The following ZMYM4 variants were observed in gnomAD, a reference collection of about 807,000 sequenced individuals.
ZMYM4 encodes zinc finger MYM-type protein 4.
A neutral mutation model predicts 183.2 loss-of-function variants in ZMYM4; 31 were observed. That is an observed-to-expected ratio of 0.17 (90% confidence interval 0.13 to 0.23). The LOEUF is 0.23. Ranked by LOEUF, ZMYM4 falls within the 10% of genes least tolerant of loss-of-function variation. ZMYM4 has a pLI of 1.00. For synonymous variants in ZMYM4, 592 were observed against 631.2 expected (o/e 0.94, Z 0.93); for missense variants, 1,273 against 1,840.3 (o/e 0.69, Z 5.64).
intron 12 of ZMYM4, 42 bp downstream of exon 12, chr1:35,387,320 G>A: frequency 1.9e-6 from 3 of 1,592,442 alleles, no homozygotes; most frequent in Non-Finnish European, 2.6e-6. Flanking sequence ...GAGTATACGT[G>A]GGTCTATTTG....
At chr1:35,360,162 T>G (rs528369752) in intron 3 of ZMYM4, among the ~76,000 whole-genome samples, 1 of 152,232 alleles carries the variant, frequency 6.6e-6, no homozygotes, top group Admixed American at 6.5e-5. Flanking sequence ...GTCATCATTC[T>G]AACTGCTCTA....
Position 35,370,338 on chromosome 1 carries a change from ATTTTTTTTTTTTTTTTTTTT to A in ZMYM4, c.926-24_926-5del. 8.9e-7 allele frequency: 1 copy of A among 1,128,904 alleles called. No individual in the cohort carries two copies. Among genetic ancestry groups the A allele is most frequent in the East Asian group, 4.5e-5 (1 of 22,340 alleles). 69.9% of individuals were successfully genotyped at this position (1,128,904 alleles called of 1,614,324 possible). On this transcript the variant is annotated splice_polypyrimidine_tract_variant and intron_variant, in intron 6 of 29. Transcript: ENST00000314607. ...AAAAGTAAAACATTTTTTTCTTTCAATTTTTTTTTTTTTTTTTTTTTTTTTTTTTAAAGCTCCACAGTTGA... is the reference window on the plus strand; with the variant it reads ...AAAAGTAAAACATTTTTTTCTTTCAATTTTTTTTTAAAGCTCCACAGTTGA...
chr1:35,405,083 G>A lies in ZMYM4; in HGVS notation c.3589G>A (p.Gly1197Ser). ...PRSLIQGAFQGCSVSGMTLKY... is the reference protein window; with the variant it reads ...PRSLIQGAFQSCSVSGMTLKY... ...GAGTCTTATTCAAGGAGCCTTTCAA[G>A]GCTGCTCAGTGTCCGGGATGACACT... The change falls in exon 24 of 30, where the codon GGC (glycine) becomes AGC (serine). Residue 1197 changes from glycine to serine, a missense_variant. Gly to Ser is a moderately conservative substitution (Grantham distance 56, BLOSUM62 0). Transcript: ENST00000314607. 6.2e-7 allele frequency: 1 copy of A among 1,614,098 alleles called. No homozygotes were observed. Among genetic ancestry groups the A allele is most frequent in the East Asian group, 2.2e-5 (1 of 44,876 alleles).
intron 12 of ZMYM4, 26 bp from the exon 13 acceptor site, chr1:35,387,428 A>C (rs1644601469): frequency 6.3e-7 from 1 of 1,587,272 alleles, no homozygotes; most frequent in Non-Finnish European, 8.6e-7. Flanking sequence ...ATGTTTAATT[A>C]GTACTTAATG....
intron 7 of ZMYM4, among the ~76,000 whole-genome samples, chr1:35,374,760 A>G (rs1180647234): frequency 6.6e-6 from 1 of 151,876 alleles, no homozygotes; most frequent in African/African-American, 2.4e-5. Flanking sequence ...CGTAAGTTTT[A>G]AAATATGCCC....
At chr1:35,346,323 C>T (rs990277506) in intron 2 of ZMYM4, among the ~76,000 whole-genome samples, 9 of 152,174 alleles carry the variant, frequency 5.9e-5, no homozygotes, top group African/African-American at 2.2e-4. Flanking sequence ...GCCTAACTTA[C>T]AATTTCTGTA....
At chr1:35,278,096 T>G (rs1639961892) in intron 1 of ZMYM4, among the ~76,000 whole-genome samples, 1 of 152,160 alleles carries the variant, frequency 6.6e-6, no homozygotes, top group Non-Finnish European at 1.5e-5. Flanking sequence ...TTCTTGTGGC[T>G]TGGTTGGTAT....
At chr1:35,395,478 G>A (rs1238469286) in intron 18 of ZMYM4, among the ~76,000 whole-genome samples, 4 of 151,962 alleles carry the variant, frequency 2.6e-5, no homozygotes, top group Non-Finnish European at 4.4e-5. Flanking sequence ...TCTAACTCTA[G>A]TCAAATTGTT....
At position 35,419,396 on chromosome 1, in the gene ZMYM4, GA is replaced by G. The variant is rs1640245374; in HGVS notation, c.4440-72del. The G allele has an allele frequency of 4.0e-6, 6 of 1,506,102 alleles. No individual in the cohort carries two copies. In the African/African-American group the frequency reaches 8.4e-5, roughly 21 times the overall value. The allele number at this position is 1,506,102 out of a possible 1,614,324, so 93.3% of individuals were successfully genotyped here. On this transcript the variant is annotated intron_variant, in intron 29 of 29. Coordinates refer to ENST00000314607, the MANE Select transcript of ZMYM4 (RefSeq NM_005095.3). ...ATGGCAAAAACCTCAGTTTACTTAA[GA>G]ATAGTACATATTTCCTATACTCTCT...
chr1:35,318,448 G>A (rs1344688384), intron 1 of ZMYM4, among the ~76,000 whole-genome samples: 1 of 151,736 alleles, frequency 6.6e-6, no homozygotes, highest in African/African-American at 2.4e-5. Context: ...CTCCTGGTAG[G>A]GTTTTTTGTT....
chr1:35,300,264 T>G (rs1347181349), intron 1 of ZMYM4, among the ~76,000 whole-genome samples: 1 of 152,230 alleles, frequency 6.6e-6, no homozygotes, highest in Non-Finnish European at 1.5e-5. Context: ...CTCCAGATTC[T>G]ATTTTCCTGC....
chr1:35,360,983 T>C (rs1162541965), intron 3 of ZMYM4, among the ~76,000 whole-genome samples: 1 of 142,788 alleles, frequency 7.0e-6, no homozygotes, highest in Non-Finnish European at 1.5e-5. Context: ...AAGGAAAAAA[T>C]GTAGGGTAAG....
intron 25 of ZMYM4, among the ~76,000 whole-genome samples, chr1:35,406,959 G>A (rs2149028696): frequency 6.6e-6 from 1 of 152,292 alleles, no homozygotes. Context: ...TATGAGAAAT[G>A]AGGCTGATCA....
intron 23 of ZMYM4, among the ~76,000 whole-genome samples, chr1:35,402,677 A>C (rs1399173227): frequency 2.0e-5 from 3 of 152,228 alleles, no homozygotes; most frequent in Non-Finnish European, 1.5e-5. Context: ...AGAAATATAG[A>C]TAATTTTTTC....
chr1:35,400,628 A>G (rs754635962), intron 23 of ZMYM4, among the ~76,000 whole-genome samples: 5 of 152,232 alleles, frequency 3.3e-5, no homozygotes, highest in Non-Finnish European at 5.9e-5. Flanking sequence ...GCCCTATTGT[A>G]TAATTATATT....
chr1:35,326,555 A>G (rs1642510791), intron 2 of ZMYM4, among the ~76,000 whole-genome samples: 1 of 152,192 alleles, frequency 6.6e-6, no homozygotes, highest in South Asian at 2.1e-4. Context: ...ACAATAATTT[A>G]TATTCATTCA....
intron 7 of ZMYM4, among the ~76,000 whole-genome samples, chr1:35,379,375 A>G (rs1010889935): frequency 1.3e-5 from 2 of 152,186 alleles, no homozygotes; most frequent in Admixed American, 6.5e-5. Flanking sequence ...CTGGGATTAC[A>G]AGCGTGAGCC....
In ZMYM4 at chr1:35,398,901, G is replaced by A; in HGVS notation, c.3291G>A (p.Glu1097=). Residue 1097 remains glutamate, a synonymous_variant, in exon 22 of 30, where the codon GAG becomes GAA. Transcript: ENST00000314607. ...CATACAGTGGTGATCTTGAATCAGA[G>A]GCAGTATCTACTCCACATAGCTGGG... is the stretch of plus-strand genomic sequence containing the variant. The part of the protein sequence containing the change: ...GSTYSGDLES[E]AVSTPHSWEE... 2 of 1,614,060 alleles carry A rather than the reference G, an allele frequency of 1.2e-6. No individual in the cohort carries two copies. Among genetic ancestry groups the A allele is most frequent in the African/African-American group, 2.7e-5 (2 of 75,022 alleles).
At chr1:35,384,201 G>T (rs1253955536) in intron 9 of ZMYM4, among the ~76,000 whole-genome samples, 1 of 152,190 alleles carries the variant, frequency 6.6e-6, no homozygotes, top group African/African-American at 2.4e-5. Flanking sequence ...GATAGGGAAA[G>T]ATGAGACTAT....
Sources: allele counts gnomAD v4.1 joint callset (sites outside exome capture counted in the v4.1 genomes callset), GRCh38; gene constraint gnomAD v4.1.1; transcripts MANE v1.5; gene names NCBI Gene and HGNC (gene_info 2026-07-23, HGNC 2026-07-21).